Variants in BTK observed in about 807,000 individuals in gnomAD.
The protein encoded by BTK is tyrosine-protein kinase BTK.
In BTK, 5 loss-of-function variants were observed where a neutral mutation model predicts 57.4. The ratio of observed to expected loss-of-function variants is 0.09; its 90% CI spans 0.05 to 0.18. The LOEUF is 0.18. BTK is among the 10% of genes least tolerant of loss of function. The pLI, the probability that BTK is intolerant of heterozygous loss-of-function variation, is 1.00. For missense variants in BTK, 194 were observed against 501.2 expected (o/e 0.39, Z 5.85); for synonymous variants, 154 against 174.3 (o/e 0.88, Z 0.92).
chrX:101,375,774 A>G (rs1379042853), intron 1 of BTK, among the ~76,000 whole-genome samples: 10 of 111,907 alleles, frequency 8.9e-5, no homozygotes, highest in African/African-American at 3.3e-4. Context: ...CCAATTTCCT[A>G]GACGGTGAAT....
intron 1 of BTK, among the ~76,000 whole-genome samples, chrX:101,377,426 AAATT>A (rs1249637719): frequency 9.0e-6 from 1 of 111,708 alleles, no homozygotes; most frequent in Non-Finnish European, 1.9e-5. Flanking sequence ...AACCCTAAAT[AAATT>A]GAGTACTGTG....
At chrX:101,372,526 G>C (rs1258253513) in intron 3 of BTK, among the ~76,000 whole-genome samples, 1 of 109,037 alleles carries the variant, frequency 9.2e-6, no homozygotes, top group African/African-American at 3.3e-5. Context: ...TCGGCTCACT[G>C]CAACCTCCGC....
At chrX:101,380,274 T>G (rs1331726343) in intron 1 of BTK, among the ~76,000 whole-genome samples, 1 of 110,914 alleles carries the variant, frequency 9.0e-6, no homozygotes, top group African/African-American at 3.3e-5. Flanking sequence ...ACCCAGCTAA[T>G]TTTTAATTTT....
At chrX:101,358,158 C>T in intron 12 of BTK, 152 bp downstream of exon 12, 2 of 873,116 alleles carry the variant, frequency 2.3e-6, no homozygotes, top group Non-Finnish European at 1.7e-6. Flanking sequence ...CCTCTGACCA[C>T]CTCTTTACCA....
chrX:101,381,035 T>TTA (rs1405538650), intron 1 of BTK, among the ~76,000 whole-genome samples: 53 of 104,336 alleles, frequency 5.1e-4, no homozygotes, highest in African/African-American at 8.7e-4. Flanking sequence ...AAAAGAAAAT[T>TTA]TATATATATA....
At chrX:101,386,590 G>A (rs112585493), upstream of BTK, among the ~76,000 whole-genome samples, 5 of 110,733 alleles carry the variant, frequency 4.5e-5, no homozygotes, top group African/African-American at 1.6e-4. Context: ...CAGGAAGAGC[G>A]TTTTTCGAGT....
chrX:101,361,463 A>G (rs1324575653), intron 7 of BTK, among the ~76,000 whole-genome samples: 1 of 106,658 alleles, frequency 9.4e-6, no homozygotes, highest in East Asian at 2.9e-4. Flanking sequence ...TACCTGCTCT[A>G]CTTACTTACA....
In BTK at chrX:101,355,370, T is replaced by G. The variant is rs1370744496; in HGVS notation, c.1567-676A>C. On this transcript the variant is annotated intron_variant, in intron 15 of 18. Coordinates refer to ENST00000308731, the MANE Select transcript of BTK (RefSeq NM_000061.3). ...CTTTCTGCTTTTCTGCCAGTGAGAC[T>G]AGGACAATTTGAGCCTTGGCCTGAC... Among the ~76,000 whole-genome samples, 4 of 112,068 alleles carry G rather than the reference T, an allele frequency of 3.6e-5. No homozygotes were observed. The East Asian group carries it at 1.1e-3, about 31-fold the overall frequency.
upstream of BTK, among the ~76,000 whole-genome samples, chrX:101,388,916 C>T (rs1410895917): frequency 9.0e-6 from 1 of 111,289 alleles, no homozygotes; most frequent in Non-Finnish European, 1.9e-5. Flanking sequence ...TTCTGAGTGC[C>T]TCGTCTTAGG....
intron 17 of BTK, among the ~76,000 whole-genome samples, chrX:101,353,591 T>C (rs1926370555): frequency 8.9e-6 from 1 of 111,884 alleles, no homozygotes; most frequent in Non-Finnish European, 1.9e-5. Context: ...TTATAGGGTC[T>C]GGCAGAGTGC....
chrX:101,351,237 G>T (rs1298898526), intron 18 of BTK, among the ~76,000 whole-genome samples: 2 of 111,111 alleles, frequency 1.8e-5, no homozygotes, highest in African/African-American at 3.3e-5. Context: ...CACGTGATCC[G>T]CTTGCCTTGG....
chrX:101,367,166 C>T (rs181608632), intron 5 of BTK, among the ~76,000 whole-genome samples: 17 of 108,532 alleles, frequency 1.6e-4, no homozygotes, highest in African/African-American at 5.7e-4. Context: ...ATTGCTTGAA[C>T]CTAGGAGGCG....
chrX:101,383,191 C>T (rs2147456186), intron 1 of BTK, among the ~76,000 whole-genome samples: 1 of 111,310 alleles, frequency 9.0e-6, no homozygotes, highest in African/African-American at 3.3e-5. Flanking sequence ...GTTAATTTAC[C>T]TATTTTTCGT....
At chrX:101,354,115 T>A in intron 16 of BTK, 127 bp from the exon 17 acceptor site, 2 of 537,118 alleles carry the variant, frequency 3.7e-6, no homozygotes, top group Non-Finnish European at 6.6e-6. Flanking sequence ...CCTCCTCAAC[T>A]AGTATCTTCT....
chrX:101,360,991 G>A (rs1204242632), intron 7 of BTK, among the ~76,000 whole-genome samples: 1 of 111,170 alleles, frequency 9.0e-6, no homozygotes, highest in Non-Finnish European at 1.9e-5. Flanking sequence ...CAAGGCGGGC[G>A]GATCAGTTGA....
At chrX:101,377,412 A>G (rs1603021753) in intron 1 of BTK, among the ~76,000 whole-genome samples, 2 of 111,900 alleles carry the variant, frequency 1.8e-5, no homozygotes, top group South Asian at 7.5e-4. Flanking sequence ...AGGATAAAAA[A>G]TAAAACCCTA....
chrX:101,381,007 G>GAAAAA (rs782713123), intron 1 of BTK, among the ~76,000 whole-genome samples: 11 of 24,700 alleles, frequency 4.5e-4, no homozygotes, highest in East Asian at 1.4e-3. Context: ...ACTCGGTCGC[G>GAAAAA]AAAAAAAAAA....
chrX:101,363,847 CAT>C (rs1421721272), intron 5 of BTK, among the ~76,000 whole-genome samples: 1 of 107,607 alleles, frequency 9.3e-6, no homozygotes, highest in Non-Finnish European at 1.9e-5. Flanking sequence ...CATTTGAGAA[CAT>C]ATACATTTCA....
chrX:101,379,092 T>C (rs1447276244), intron 1 of BTK, among the ~76,000 whole-genome samples: 2 of 107,341 alleles, frequency 1.9e-5, no homozygotes, highest in Non-Finnish European at 3.8e-5. Context: ...GAGAATCGCT[T>C]GAACTCGGGA....
Sources: allele counts gnomAD v4.1 joint callset (sites outside exome capture counted in the v4.1 genomes callset), GRCh38; gene constraint gnomAD v4.1.1; transcripts MANE v1.5; gene names NCBI Gene and HGNC (gene_info 2026-07-23, HGNC 2026-07-21).